The following CELF2 variants were observed in gnomAD, a reference collection of about 807,000 sequenced individuals.
CELF2 encodes the protein CUGBP Elav-like family member 2.
In CELF2, 8 loss-of-function variants were observed where a neutral mutation model predicts 62.6. The ratio of observed to expected loss-of-function variants is 0.13; its 90% CI spans 0.07 to 0.23. The LOEUF is 0.23. CELF2 is among the 10% of genes least tolerant of loss of function. CELF2 has a pLI of 1.00. For synonymous variants in CELF2, 258 were observed against 250.0 expected (o/e 1.03, Z -0.30); for missense variants, 333 against 671.0 (o/e 0.50, Z 5.56).
intron 5 of CELF2, among the ~76,000 whole-genome samples, chr10:11,266,058 A>G (rs1200895406): frequency 1.3e-5 from 2 of 152,226 alleles, no homozygotes; most frequent in Non-Finnish European, 2.9e-5. Flanking sequence ...ATACATACAT[A>G]TATATTTTTT....
intron 9 of CELF2, among the ~76,000 whole-genome samples, chr10:11,312,087 T>C (rs1436275723): frequency 6.6e-6 from 1 of 152,016 alleles, no homozygotes; most frequent in African/African-American, 2.4e-5. Flanking sequence ...CACAAACATC[T>C]CAGTACCTGA....
intron 9 of CELF2, among the ~76,000 whole-genome samples, chr10:11,304,456 T>C (rs2094037295): frequency 1.3e-5 from 2 of 152,256 alleles, no homozygotes; most frequent in Non-Finnish European, 2.9e-5. Context: ...GAATTATTTC[T>C]TACAGCTCTG....
the CELF2 span, among the ~76,000 whole-genome samples, chr10:10,648,118 A>G: frequency 6.6e-6 from 1 of 152,190 alleles, no homozygotes; most frequent in Non-Finnish European, 1.5e-5. Context: ...TCCACTGCCC[A>G]CCACCTTGCA....
chr10:11,043,452 A>G (rs2139620107), intron 1 of CELF2, among the ~76,000 whole-genome samples: 1 of 152,322 alleles, frequency 6.6e-6, no homozygotes, highest in Non-Finnish European at 1.5e-5. Flanking sequence ...GATGCAGTCC[A>G]GTTGTGTGTT....
At chr10:11,135,484 AC>A (rs1343216355) in intron 1 of CELF2, among the ~76,000 whole-genome samples, 1 of 152,256 alleles carries the variant, frequency 6.6e-6, no homozygotes, top group African/African-American at 2.4e-5. Context: ...CTCTAGTTCA[AC>A]ACTTAGCTAA....
In CELF2 at chr10:11,165,037, C is replaced by T. The variant is rs909740809; in HGVS notation, c.75-449C>T. 3.1e-6 allele frequency: 3 copies of T among 977,400 alleles called. No individual in the cohort carries two copies. Among genetic ancestry groups the T allele is most frequent in the African/African-American group, 1.8e-5 (1 of 54,764 alleles). 60.5% of individuals were successfully genotyped at this position (977,400 alleles called of 1,614,324 possible). On this transcript the variant is annotated intron_variant, in intron 1 of 12. Coordinates refer to ENST00000633077, the MANE Select transcript of CELF2 (RefSeq NM_001326342.2). The surrounding 1 kb of genome is among the most constrained non-coding windows in gnomAD (Gnocchi z 7.4). Reference sequence around the variant, plus strand: ...TCTTCCAAAAACCTCCCAAAAAGGGCGGTGGGGCGGGGGGCGGGGCAGGGA... The same window carrying T: ...TCTTCCAAAAACCTCCCAAAAAGGGTGGTGGGGCGGGGGGCGGGGCAGGGA...
At chr10:10,827,592 C>T (rs2057497533) in intron 1 of CELF2, among the ~76,000 whole-genome samples, 1 of 152,162 alleles carries the variant, frequency 6.6e-6, no homozygotes, top group South Asian at 2.1e-4. Context: ...GTTAGTCCCT[C>T]CTCTAGCCAT....
Position 11,247,049 on chromosome 10 carries a change from G to C in CELF2, c.355-2104G>C, listed in dbSNP as rs1266450571. Among the ~76,000 whole-genome samples, 1 of 152,170 alleles carries C rather than the reference G, an allele frequency of 6.6e-6. No homozygotes were observed. Among genetic ancestry groups the C allele is most frequent in the African/African-American group, 2.4e-5 (1 of 41,438 alleles). ...CCCACAACCAGCCAGTCGCCATGAA[G>C]TTCAGCCTCCACCAGTGTTCCCTGG... On this transcript the variant is annotated intron_variant, in intron 3 of 12. Coordinates refer to ENST00000633077, the MANE Select transcript of CELF2 (RefSeq NM_001326342.2). The surrounding 1 kb of genome is among the most constrained non-coding windows in gnomAD (Gnocchi z 5.4).
chr10:10,864,235 A>G (rs2060218283), intron 1 of CELF2, among the ~76,000 whole-genome samples: 1 of 149,840 alleles, frequency 6.7e-6, no homozygotes, highest in South Asian at 2.2e-4. Context: ...CTTTAACATC[A>G]GGGCATTTTT....
the CELF2 span, among the ~76,000 whole-genome samples, chr10:10,764,941 G>T: frequency 2.0e-5 from 3 of 152,170 alleles, no homozygotes; most frequent in South Asian, 2.1e-4. Context: ...TGAGATAAAA[G>T]CTCATGTGCA....
At chr10:11,195,761 AC>A (rs2057294824) in intron 2 of CELF2, among the ~76,000 whole-genome samples, 1 of 152,160 alleles carries the variant, frequency 6.6e-6, no homozygotes, top group South Asian at 2.1e-4. Flanking sequence ...TTTTATAGGA[AC>A]TGGCTCAGGG....
chr10:10,554,958 G>A, the CELF2 span, among the ~76,000 whole-genome samples: 1 of 152,160 alleles, frequency 6.6e-6, no homozygotes, highest in African/African-American at 2.4e-5. Flanking sequence ...CAGAGTGTAT[G>A]TATTTGGTAC....
intron 10 of CELF2, among the ~76,000 whole-genome samples, chr10:11,320,669 G>A (rs1044870059): frequency 1.1e-4 from 17 of 152,144 alleles, no homozygotes; most frequent in African/African-American, 3.6e-4. Context: ...CGAGAGTACA[G>A]AACTTGTCCT....
At chr10:10,556,801 TC>T in the CELF2 span, among the ~76,000 whole-genome samples, 1 of 152,048 alleles carries the variant, frequency 6.6e-6, no homozygotes, top group Non-Finnish European at 1.5e-5. Flanking sequence ...GAGCATTTTT[TC>T]ATGTGTCTTT....
At chr10:10,566,125 T>C in the CELF2 span, among the ~76,000 whole-genome samples, 3 of 152,128 alleles carry the variant, frequency 2.0e-5, no homozygotes, top group Non-Finnish European at 1.5e-5. Context: ...GAACCATGCA[T>C]GGTCTTTACC....
chr10:11,199,979 G>T (rs1004039671), intron 2 of CELF2, among the ~76,000 whole-genome samples: 1 of 152,214 alleles, frequency 6.6e-6, no homozygotes, highest in Non-Finnish European at 1.5e-5. Context: ...CTGGGTCGTG[G>T]CAGGGTGCTC....
intron 2 of CELF2, among the ~76,000 whole-genome samples, chr10:11,216,901 G>A (rs1019469229): frequency 6.6e-6 from 1 of 152,244 alleles, no homozygotes; most frequent in Non-Finnish European, 1.5e-5. Flanking sequence ...AGGGTCATAT[G>A]TACAGAACTT....
At chr10:10,726,068 GT>G in the CELF2 span, among the ~76,000 whole-genome samples, 1 of 152,136 alleles carries the variant, frequency 6.6e-6, no homozygotes, top group Non-Finnish European at 1.5e-5. Context: ...AGTTCAGCAT[GT>G]TATAGCAGCT....
intron 2 of CELF2, among the ~76,000 whole-genome samples, chr10:10,985,877 T>C (rs1006148240): frequency 6.6e-6 from 1 of 152,192 alleles, no homozygotes; most frequent in Non-Finnish European, 1.5e-5. Flanking sequence ...CTGACAGGCA[T>C]TGGAGTCACC....
Sources: gnomAD v4.1 joint callset for allele counts (sites outside exome capture counted in the v4.1 genomes callset) on GRCh38, gnomAD v4.1.1 for gene constraint, Gnocchi (gnomAD v3.1) non-coding constraint, MANE v1.5 for transcripts, NCBI Gene and HGNC (gene_info 2026-07-23, HGNC 2026-07-21) for gene names.